The following APLF variants were observed in gnomAD, a reference collection of about 807,000 sequenced individuals.
The protein encoded by APLF is aprataxin and PNKP like factor.
A neutral mutation model predicts 55.6 loss-of-function variants in APLF; 61 were observed. The ratio of observed to expected loss-of-function variants is 1.10; its 90% CI spans 0.89 to 1.36. The LOEUF (loss-of-function observed/expected upper bound fraction) is 1.36, where lower values mean the gene tolerates loss of function less well. APLF is among the 40% of genes most tolerant of loss of function. The pLI, the probability that APLF is intolerant of heterozygous loss-of-function variation, is 0.00. For synonymous variants in APLF, 207 were observed against 214.8 expected, an observed-to-expected ratio of 0.96 and a Z score of 0.32; for missense variants, 611 against 602.5, an observed-to-expected ratio of 1.01 and a Z score of -0.15.
intron 4 of APLF, 79 bp downstream of exon 4, chr2:68,513,306 G>T: frequency 6.8e-7 from 1 of 1,461,406 alleles, no homozygotes; most frequent in South Asian, 1.4e-5. Context: ...CTGAAATTAG[G>T]CCTATTATGA....
At position 68,502,799 on chromosome 2, in the gene APLF, A is replaced by G. The variant is rs112136813; in HGVS notation, c.237A>G (p.Leu79=). The change falls in exon 3 of 10, where the codon CTA becomes CTG. Residue 79 remains leucine, a synonymous_variant. Coordinates refer to ENST00000303795, the MANE Select transcript of APLF (RefSeq NM_173545.3). ...KSQLLPLKPN[L]WCYLNPGDSF... ...AGCTCTTACCATTGAAGCCAAATCT[A>G]TGGTGCTATTTGAATCCTGGAGACA... 51,279 of 1,607,162 alleles carry G rather than the reference A, an allele frequency of 0.032. 963 individuals are homozygous for G. The highest frequency in any genetic ancestry group is 0.052 in the Middle Eastern group (315 of 6,042).
At chr2:68,523,793 A>G (rs1669955792) in intron 5 of APLF, among the ~76,000 whole-genome samples, 1 of 151,878 alleles carries the variant, frequency 6.6e-6, no homozygotes, top group African/African-American at 2.4e-5. Context: ...GGATTTCAGA[A>G]GAATATTTGC....
intron 7 of APLF, among the ~76,000 whole-genome samples, chr2:68,538,552 G>T (rs188849208): frequency 2.2e-5 from 3 of 134,750 alleles, no homozygotes; most frequent in African/African-American, 7.9e-5. Flanking sequence ...ATATTAGAGA[G>T]ATGGCTTCCT....
At chr2:68,510,654 C>G (rs1368454311) in intron 3 of APLF, among the ~76,000 whole-genome samples, 1 of 151,810 alleles carries the variant, frequency 6.6e-6, no homozygotes, top group Non-Finnish European at 1.5e-5. Context: ...CTGTGTGGCT[C>G]AGCATTTCCA....
At chr2:68,560,506 T>C (rs995452915) in intron 8 of APLF, among the ~76,000 whole-genome samples, 1 of 152,142 alleles carries the variant, frequency 6.6e-6, no homozygotes, top group African/African-American at 2.4e-5. Context: ...TAAACTACTA[T>C]GTTCCTTACA....
At chr2:68,554,108 G>A (rs751974895) in intron 8 of APLF, among the ~76,000 whole-genome samples, 5 of 152,024 alleles carry the variant, frequency 3.3e-5, no homozygotes, top group Admixed American at 2.0e-4. Context: ...TTTTATCACT[G>A]TAGAGCAAGT....
chr2:68,529,049 T>C lies in APLF; in HGVS notation c.804+2807T>C. On this transcript the variant is annotated intron_variant, in intron 6 of 9. Transcript: ENST00000303795. This position sits in a 1 kb window ranked among gnomAD's most constrained non-coding sequence, Gnocchi z 4.4. ...CGGGAGCCTGGCTGGGATCACCTGC[T>C]CATCTAATGAAGGAAGTTGAAGGTT... is the stretch of plus-strand genomic sequence containing the variant. 6.8e-7 allele frequency: 1 copy of C among 1,473,080 alleles called. No individual in the cohort carries two copies. Among genetic ancestry groups the C allele is most frequent in the Non-Finnish European group, 9.2e-7 (1 of 1,089,390 alleles). 91.3% of individuals were successfully genotyped at this position (1,473,080 alleles called of 1,614,324 possible).
chr2:68,491,380 A>G (rs914111949), intron 2 of APLF, among the ~76,000 whole-genome samples: 3 of 152,200 alleles, frequency 2.0e-5, no homozygotes, highest in South Asian at 2.1e-4. Flanking sequence ...AGTGTTTAGC[A>G]TAGTGCCTAA....
At chr2:68,521,548 AG>A (rs1669897688) in intron 5 of APLF, among the ~76,000 whole-genome samples, 1 of 151,938 alleles carries the variant, frequency 6.6e-6, no homozygotes, top group South Asian at 2.1e-4. Context: ...AAATATATTT[AG>A]GCAAAGGCTT....
At chr2:68,519,548 C>G (rs962402791) in intron 5 of APLF, among the ~76,000 whole-genome samples, 14 of 149,870 alleles carry the variant, frequency 9.3e-5, no homozygotes, top group African/African-American at 3.4e-4. Context: ...AGAAATTATT[C>G]TACTGAGGGA....
At chr2:68,500,823 T>C (rs1213671608) in intron 2 of APLF, among the ~76,000 whole-genome samples, 1 of 152,158 alleles carries the variant, frequency 6.6e-6, no homozygotes, top group East Asian at 1.9e-4. Flanking sequence ...ATTCCCAAGT[T>C]CAGCAGCGGA....
At chr2:68,490,339 A>G (rs1676320870) in intron 2 of APLF, 78 bp downstream of exon 2, 1 of 1,211,862 alleles carries the variant, frequency 8.3e-7, no homozygotes, top group Non-Finnish European at 1.2e-6. Context: ...CCTATTTTCT[A>G]AGGTTATGGG....
At chr2:68,554,436 A>G (rs995679273) in intron 8 of APLF, among the ~76,000 whole-genome samples, 23 of 152,082 alleles carry the variant, frequency 1.5e-4, no homozygotes, top group Admixed American at 1.4e-3. Flanking sequence ...TGGTGTTTTC[A>G]TTTGAAGTAT....
chr2:68,569,098 C>T (rs564987614), intron 9 of APLF, among the ~76,000 whole-genome samples: 16 of 152,176 alleles, frequency 1.1e-4, no homozygotes, highest in Admixed American at 2.6e-4. Context: ...ACAGTACCCC[C>T]AAATGTTAAT....
chr2:68,505,563 C>T (rs1056422005), intron 3 of APLF, among the ~76,000 whole-genome samples: 97 of 151,992 alleles, frequency 6.4e-4, no homozygotes, highest in African/African-American at 2.1e-3. Context: ...ACCTTGGGTT[C>T]TGTCATTTGC....
At position 68,490,273 on chromosome 2, in the gene APLF, A is replaced by T; in HGVS notation, c.168+12A>T. On this transcript the variant is annotated intron_variant, in intron 2 of 9. Coordinates refer to ENST00000303795, the MANE Select transcript of APLF (RefSeq NM_173545.3). ...TGCGAATCAAACCGGTAAATATGTT[A>T]TTAATGATTCATTTTAACTTTCATC... 1.2e-6 allele frequency: 2 copies of T among 1,604,370 alleles called. No homozygotes were observed. The highest frequency in any genetic ancestry group is 3.5e-5 in the Admixed American group (2 of 57,692).
intron 5 of APLF, among the ~76,000 whole-genome samples, chr2:68,524,197 C>T (rs1362213023): frequency 6.6e-6 from 1 of 151,982 alleles, no homozygotes; most frequent in Non-Finnish European, 1.5e-5. Context: ...CCTATTAAGT[C>T]CTGTTTATGA....
chr2:68,577,823 G>T lies in APLF; in HGVS notation c.1337G>T (p.Arg446Ile). 6.2e-7 allele frequency: 1 copy of T among 1,612,966 alleles called. No homozygotes were observed. The highest frequency in any genetic ancestry group is 8.5e-7 in the Non-Finnish European group (1 of 1,179,340). Residue 446 changes from arginine to isoleucine, a missense_variant, in exon 10 of 10, where the codon AGA becomes ATA. By Grantham distance (97) the Arg-to-Ile change is moderately conservative. Transcript: ENST00000303795. ...IEYRHNTLPV[R>I]NVLDEDNDNV... ...GTACCAATCTTCTGTTTTGCAGTGA[G>T]AAATGTTTTAGATGAAGATAATGAT...
chr2:68,551,532 C>T (rs745555527), intron 8 of APLF, among the ~76,000 whole-genome samples: 1 of 151,482 alleles, frequency 6.6e-6, no homozygotes, highest in Non-Finnish European at 1.5e-5. Context: ...GCTGTTAAGC[C>T]CATTCAAAGA....
Sources: gnomAD v4.1 joint callset for allele counts (sites outside exome capture counted in the v4.1 genomes callset) on GRCh38, gnomAD v4.1.1 for gene constraint, Gnocchi (gnomAD v3.1) non-coding constraint, MANE v1.5 for transcripts, NCBI Gene and HGNC (gene_info 2026-07-23, HGNC 2026-07-21) for gene names.